GATAD1: variants seen among roughly 807,000 people sequenced by gnomAD.
GATAD1 encodes GATA zinc finger domain-containing protein 1.
A neutral mutation model predicts 26.5 loss-of-function variants in GATAD1; 12 were observed. That is an observed-to-expected ratio of 0.45 (90% CI 0.29 to 0.73). The LOEUF is 0.73. GATAD1 is among the 30% of genes least tolerant of loss of function. The probability of loss-of-function intolerance (pLI) is 0.10; values close to 1 mark genes in which losing one functional copy is unlikely to be tolerated. For synonymous variants in GATAD1, 129 were observed against 133.1 expected (o/e 0.97, Z 0.21); for missense variants, 266 against 342.1 (o/e 0.78, Z 1.75).
the GATAD1 span, among the ~76,000 whole-genome samples, chr7:92,495,386 T>C: frequency 6.6e-6 from 1 of 152,138 alleles, no homozygotes; most frequent in African/African-American, 2.4e-5. Flanking sequence ...GGGCCAAAAA[T>C]AGACCAGAAT....
At chr7:92,478,997 CCCTGGG>C in the GATAD1 span, among the ~76,000 whole-genome samples, 9 of 152,144 alleles carry the variant, frequency 5.9e-5, no homozygotes, top group African/African-American at 1.9e-4. Flanking sequence ...CAACCCAATC[CCCTGGG>C]CCCTGTGCAA....
intron 2 of GATAD1, chr7:92,449,610 C>T: frequency 7.1e-6 from 7 of 980,388 alleles, no homozygotes; most frequent in Non-Finnish European, 8.5e-6. Flanking sequence ...TGAAGTTGGC[C>T]ATATTTATTT....
chr7:92,450,501 G>T (rs1789382065), intron 2 of GATAD1, 200 bp from the exon 3 acceptor site: 1 of 543,678 alleles, frequency 1.8e-6, no homozygotes, highest in Non-Finnish European at 3.2e-6. Flanking sequence ...CAATTTTTAA[G>T]CTAATAGTAG....
chr7:92,495,313 C>T, the GATAD1 span, among the ~76,000 whole-genome samples: 371 of 152,062 alleles, frequency 2.4e-3, 13 homozygotes, highest in East Asian at 0.068. Context: ...ACACCTGTCA[C>T]GGTGATTGAA....
the GATAD1 span, among the ~76,000 whole-genome samples, chr7:92,474,269 G>T: frequency 2.0e-5 from 3 of 152,148 alleles, no homozygotes; most frequent in Non-Finnish European, 4.4e-5. Flanking sequence ...GACTTTTGAA[G>T]TTTTTTTCTA....
chr7:92,468,096 G>C, the GATAD1 span, among the ~76,000 whole-genome samples: 1 of 152,192 alleles, frequency 6.6e-6, no homozygotes, highest in East Asian at 1.9e-4. Context: ...GAGTGTTATA[G>C]CTCTATTAGA....
downstream of GATAD1, among the ~76,000 whole-genome samples, chr7:92,460,496 A>G (rs1349130548): frequency 2.6e-5 from 4 of 152,320 alleles, no homozygotes; most frequent in East Asian, 7.7e-4. Flanking sequence ...ATGCACAGTA[A>G]TTTATTTAAG....
At chr7:92,491,377 TAAAG>T in the GATAD1 span, 1 of 1,613,470 alleles carries the variant, frequency 6.2e-7, no homozygotes, top group Non-Finnish European at 8.5e-7. Flanking sequence ...CGGACATCTC[TAAAG>T]AAACAAGGGA....
the GATAD1 span, chr7:92,470,626 G>A: frequency 2.4e-6 from 1 of 408,768 alleles, no homozygotes; most frequent in Non-Finnish European, 4.5e-6. Context: ...TGGGGAATTA[G>A]AGGGAAGGGA....
chr7:92,476,357 T>C, the GATAD1 span, among the ~76,000 whole-genome samples: 1 of 152,200 alleles, frequency 6.6e-6, no homozygotes, highest in Non-Finnish European at 1.5e-5. Context: ...ACTGAATGCA[T>C]TTGGTCCATC....
the GATAD1 span, among the ~76,000 whole-genome samples, chr7:92,473,996 C>T: frequency 6.6e-6 from 1 of 152,044 alleles, no homozygotes; most frequent in African/African-American, 2.4e-5. Flanking sequence ...GACGAGGGGG[C>T]GGCTTACTTC....
the GATAD1 span, chr7:92,489,370 A>T: frequency 6.2e-7 from 1 of 1,606,078 alleles, no homozygotes; most frequent in Non-Finnish European, 8.5e-7. Flanking sequence ...AATGTGACTG[A>T]CTAATAGCCA....
chr7:92,491,606 T>G, the GATAD1 span: 2 of 722,748 alleles, frequency 2.8e-6, no homozygotes, highest in Non-Finnish European at 4.8e-6. Context: ...ACAAGAAACT[T>G]AGAAGCATTT....
At chr7:92,482,157 C>T in the GATAD1 span, among the ~76,000 whole-genome samples, 98 of 152,276 alleles carry the variant, frequency 6.4e-4, no homozygotes, top group East Asian at 0.012. Flanking sequence ...TGAAGCCTTG[C>T]GGCAGTACAG....
the GATAD1 span, among the ~76,000 whole-genome samples, chr7:92,479,402 G>A: frequency 6.6e-6 from 1 of 152,146 alleles, no homozygotes; most frequent in African/African-American, 2.4e-5. Context: ...CCAGGAGAAG[G>A]AATTTCCCAA....
the GATAD1 span, among the ~76,000 whole-genome samples, chr7:92,476,678 C>G: frequency 6.6e-6 from 1 of 151,842 alleles, no homozygotes; most frequent in African/African-American, 2.4e-5. Context: ...CTCTCTTTCT[C>G]CTCCATTTCT....
chr7:92,447,917 C>G lies in GATAD1; in HGVS notation c.188C>G (p.Ala63Gly). Residue 63 changes from alanine to glycine, a missense_variant, in exon 1 of 5, where the codon GCG becomes GGG. By Grantham distance (60) the Ala-to-Gly change is moderately conservative. Transcript: ENST00000287957. ...GGSGGGGFGA[A>G]TFASTSATPP... ...AGCGGCGGCGGCGGCTTCGGCGCGG[C>G]GACCTTCGCCAGCACCTCCGCCACC... 1 of 1,249,418 alleles carries G rather than the reference C, an allele frequency of 8.0e-7. No homozygotes were observed. Among genetic ancestry groups the G allele is most frequent in the Non-Finnish European group, 1.0e-6 (1 of 998,940 alleles). 77.4% of individuals were successfully genotyped at this position (1,249,418 alleles called of 1,614,324 possible).
chr7:92,462,522 C>T (rs1395683815), downstream of GATAD1, among the ~76,000 whole-genome samples: 2 of 152,132 alleles, frequency 1.3e-5, no homozygotes, highest in Non-Finnish European at 2.9e-5. Flanking sequence ...TACTAGCATC[C>T]ACTACTTACG....
At chr7:92,485,757 G>A in the GATAD1 span, among the ~76,000 whole-genome samples, 1 of 152,180 alleles carries the variant, frequency 6.6e-6, no homozygotes, top group African/African-American at 2.4e-5. Context: ...GAATTGTTAA[G>A]TAACATATCT....
Sources: gnomAD v4.1 joint callset for allele counts (sites outside exome capture counted in the v4.1 genomes callset) on GRCh38, gnomAD v4.1.1 for gene constraint, MANE v1.5 for transcripts, NCBI Gene and HGNC (gene_info 2026-07-23, HGNC 2026-07-21) for gene names.